The following EHBP1 variants were observed in gnomAD, a reference collection of about 807,000 sequenced individuals.
EHBP1 encodes the protein EH domain-binding protein 1.
Under a neutral mutation model 144.0 loss-of-function variants are expected in EHBP1, and 55 were observed. The observed-to-expected ratio is 0.38, with a 90% CI of 0.31 to 0.48. The LOEUF (loss-of-function observed/expected upper bound fraction) is 0.48, where lower values mean the gene tolerates loss of function less well. Ranked by LOEUF, EHBP1 falls within the 20% of genes least tolerant of loss-of-function variation. The probability of loss-of-function intolerance (pLI) is 0.98; values close to 1 mark genes in which losing one functional copy is unlikely to be tolerated. For synonymous variants in EHBP1, 469 were observed against 472.7 expected (o/e 0.99, Z 0.10); for missense variants, 1,200 against 1,364.2 (o/e 0.88, Z 1.90).
chr2:62,967,454 A>G (rs1323734281), intron 14 of EHBP1, among the ~76,000 whole-genome samples: 1 of 152,180 alleles, frequency 6.6e-6, no homozygotes, highest in Non-Finnish European at 1.5e-5. Context: ...TTTTCTCATT[A>G]TTGGCAAAAG....
chr2:63,015,574 T>C (rs895263851), intron 19 of EHBP1, among the ~76,000 whole-genome samples: 1 of 152,018 alleles, frequency 6.6e-6, no homozygotes, highest in Non-Finnish European at 1.5e-5. Context: ...CTGGGCCTCC[T>C]GGGTTCAAGC....
At chr2:62,828,624 T>C (rs141834605) in intron 6 of EHBP1, among the ~76,000 whole-genome samples, 312 of 152,324 alleles carry the variant, frequency 2.0e-3, no homozygotes, top group African/African-American at 7.0e-3. Context: ...AAGATTTAAG[T>C]GTGATTTACA....
At position 62,938,767 on chromosome 2, in the gene EHBP1, G is replaced by C. The variant is rs1005825191; in HGVS notation, c.1186-3951G>C. 3.3e-5 allele frequency among the ~76,000 whole-genome samples: 5 copies of C among 151,710 alleles called. No individual in the cohort carries two copies. The South Asian group carries it at 6.2e-4, about 19-fold the overall frequency. On this transcript the variant is annotated intron_variant, in intron 10 of 22. Coordinates refer to ENST00000431489, the MANE Select transcript of EHBP1 (RefSeq NM_001142616.3). ...CATATTTTCCACATAGAATATCTAG[G>C]TGTCAAGATTATCTCTAGTGAAAGC...
chr2:62,928,553 A>C (rs1032034843), intron 10 of EHBP1, among the ~76,000 whole-genome samples: 1 of 152,198 alleles, frequency 6.6e-6, no homozygotes, highest in Non-Finnish European at 1.5e-5. Flanking sequence ...GCTTAATGTC[A>C]AGAACATGTT....
At chr2:62,818,967 C>T (rs1197911169) in intron 5 of EHBP1, among the ~76,000 whole-genome samples, 3 of 152,066 alleles carry the variant, frequency 2.0e-5, no homozygotes, top group African/African-American at 7.2e-5. Flanking sequence ...TATTTAAACT[C>T]ACTTAGGGAG....
chr2:62,979,131 A>C (rs1227839011), intron 14 of EHBP1, 57 bp from the exon 15 acceptor site: 2 of 1,548,910 alleles, frequency 1.3e-6, no homozygotes, highest in Non-Finnish European at 1.8e-6. Flanking sequence ...GATCAGATTG[A>C]AAATGAAATT....
rs528023999 is a variant in EHBP1 at position 63,045,522 on chromosome 2, C to G, written c.*22C>G. On this transcript the variant is annotated 3_prime_UTR_variant, in exon 23 of 23. Coordinates refer to ENST00000431489, the MANE Select transcript of EHBP1 (RefSeq NM_001142616.3). This position sits in a 1 kb window ranked among gnomAD's most constrained non-coding sequence, Gnocchi z 5.7. ...GTAGCCATCAGATCAGAAAGAATCT[C>G]TCCCAACATTTTAGAGTCTTGCTTC... 158 of 1,582,110 alleles carry G rather than the reference C, an allele frequency of 1.0e-4. No homozygotes were observed. The South Asian group carries it at 1.7e-3, about 17-fold the overall frequency.
chr2:62,801,915 C>T (rs563892936), intron 5 of EHBP1, among the ~76,000 whole-genome samples: 273 of 152,344 alleles, frequency 1.8e-3, no homozygotes, highest in Middle Eastern at 3.4e-3. Flanking sequence ...GTGCATTGGA[C>T]TCATCTTGAG....
At chr2:62,820,097 G>A (rs1157085990) in intron 5 of EHBP1, among the ~76,000 whole-genome samples, 6 of 151,832 alleles carry the variant, frequency 4.0e-5, no homozygotes, top group Non-Finnish European at 7.4e-5. Flanking sequence ...TGTAATCCCA[G>A]CTGCTCTGGA....
At position 62,948,571 on chromosome 2, in the gene EHBP1, G is replaced by A; in HGVS notation, c.1725G>A (p.Gln575=). The A allele has an allele frequency of 1.2e-6, 2 of 1,614,046 alleles. No individual in the cohort carries two copies. The highest frequency in any genetic ancestry group is 1.7e-6 in the Non-Finnish European group (2 of 1,180,006). ...PISGAVDFLS[Q]DDSVFVNDSG... is the part of the protein sequence containing the mutation. ...GCGGAGCAGTAGACTTCTTATCACA[G>A]GATGACTCTGTATTTGTAAATGATA... The change falls in exon 13 of 23, where the codon CAG becomes CAA. Residue 575 remains glutamine (Q), a synonymous_variant. Coordinates refer to ENST00000431489, the MANE Select transcript of EHBP1 (RefSeq NM_001142616.3).
intron 10 of EHBP1, among the ~76,000 whole-genome samples, chr2:62,898,916 C>A (rs1348133561): frequency 2.0e-5 from 3 of 152,192 alleles, no homozygotes; most frequent in African/African-American, 7.2e-5. Context: ...TTAGCTTCTA[C>A]TTCCATTGTT....
intron 19 of EHBP1, among the ~76,000 whole-genome samples, chr2:63,032,934 C>G (rs949068710): frequency 6.7e-4 from 102 of 152,266 alleles, no homozygotes; most frequent in African/African-American, 2.4e-3. Flanking sequence ...TCAGGCTGAG[C>G]AAATGGTTTT....
chr2:62,768,966 C>A (rs569294941), intron 4 of EHBP1, among the ~76,000 whole-genome samples: 6 of 152,074 alleles, frequency 3.9e-5, no homozygotes, highest in Non-Finnish European at 7.4e-5. Context: ...ATTCAACATC[C>A]CTTTGTGTTA....
At chr2:62,773,850 CAAAAAAAAAAAAAAAAAAAAAA>C (rs570715468) in intron 5 of EHBP1, among the ~76,000 whole-genome samples, 3 of 41,552 alleles carry the variant, frequency 7.2e-5, no homozygotes, top group Admixed American at 4.3e-4. Context: ...GACTCCATCT[CAAAAAAAAAAAAAAAAAAAAAA>C]AAAAAAAAAA....
At chr2:63,017,066 C>T (rs2060514985) in intron 19 of EHBP1, among the ~76,000 whole-genome samples, 1 of 152,220 alleles carries the variant, frequency 6.6e-6, no homozygotes, top group Non-Finnish European at 1.5e-5. Flanking sequence ...CTTACTAACT[C>T]ATCTTCACAG....
chr2:62,749,992 G>C (rs1482795467), intron 3 of EHBP1, among the ~76,000 whole-genome samples: 3 of 151,920 alleles, frequency 2.0e-5, no homozygotes, highest in African/African-American at 7.2e-5. Context: ...GTTTAATTAA[G>C]TACCATTTGT....
chr2:62,882,778 A>G (rs2051571040), intron 10 of EHBP1, among the ~76,000 whole-genome samples: 1 of 152,092 alleles, frequency 6.6e-6, no homozygotes, highest in South Asian at 2.1e-4. Context: ...GCTACTCAGG[A>G]GGCTGAGACA....
intron 1 of EHBP1, among the ~76,000 whole-genome samples, chr2:62,694,653 T>G (rs140243781): frequency 3.3e-5 from 5 of 151,944 alleles, no homozygotes; most frequent in Non-Finnish European, 5.9e-5. Flanking sequence ...CTGGAAGGGG[T>G]CTTAAGAGCT....
intron 5 of EHBP1, among the ~76,000 whole-genome samples, chr2:62,825,542 TA>T (rs899658201): frequency 9.9e-5 from 12 of 120,984 alleles, no homozygotes; most frequent in African/African-American, 3.1e-4. Flanking sequence ...GACTGAACAA[TA>T]AAAAAAAGGC....
Sources: gnomAD v4.1 joint callset for allele counts (sites outside exome capture counted in the v4.1 genomes callset) on GRCh38, gnomAD v4.1.1 for gene constraint, Gnocchi (gnomAD v3.1) non-coding constraint, MANE v1.5 for transcripts, NCBI Gene and HGNC (gene_info 2026-07-23, HGNC 2026-07-21) for gene names.